The following ARCN1 variants were observed in gnomAD, a reference collection of about 807,000 sequenced individuals.
ARCN1 encodes archain 1 coat protein complex I subunit delta, also known as coatomer subunit delta.
Under a neutral mutation model 60.4 loss-of-function variants are expected in ARCN1, and 5 were observed. The ratio of observed to expected loss-of-function variants is 0.08; its 90% CI spans 0.04 to 0.17. The LOEUF is 0.17. Among genes scored for constraint, ARCN1 ranks in the 10% least tolerant of loss-of-function variants. The pLI, the probability that ARCN1 is intolerant of heterozygous loss-of-function variation, is 1.00. For missense variants in ARCN1, 464 were observed against 626.5 expected, an observed-to-expected ratio of 0.74 and a Z score of 2.77; for synonymous variants, 224 against 220.0, an observed-to-expected ratio of 1.02 and a Z score of -0.16.
At chr11:118,599,489 G>A (rs1001162182) in intron 9 of ARCN1, among the ~76,000 whole-genome samples, 10 of 151,820 alleles carry the variant, frequency 6.6e-5, no homozygotes, top group African/African-American at 2.2e-4. Flanking sequence ...AGTGCAGTGC[G>A]ATCTCAGCTC....
At chr11:118,592,021 A>G (rs1161787015) in intron 6 of ARCN1, among the ~76,000 whole-genome samples, 9 of 151,674 alleles carry the variant, frequency 5.9e-5, no homozygotes, top group African/African-American at 2.2e-4. Context: ...CCCGGGTTCA[A>G]GCCATTCTCC....
chr11:118,572,878 G>A lies in ARCN1; in HGVS notation c.3+328G>A, dbSNP rs1591377282. The A allele has an allele frequency of 3.5e-5, 13 of 369,400 alleles. No individual in the cohort carries two copies. The East Asian group carries it at 4.9e-4, about 14-fold the overall frequency. 22.9% of individuals were successfully genotyped at this position (369,400 alleles called of 1,614,324 possible). A position where few individuals can be genotyped will look rare whatever the true frequency, so the allele number is the denominator to read the frequency against. On this transcript the variant is annotated intron_variant, in intron 1 of 9. Transcript: ENST00000264028. Reference sequence around the variant, plus strand: ...GGTGGTGGTGCGGGTCCCAGGCTGCGGACCTCGGAACTGATGCTGTCCCGC... The same window carrying A: ...GGTGGTGGTGCGGGTCCCAGGCTGCAGACCTCGGAACTGATGCTGTCCCGC...
intron 1 of ARCN1, 43 bp from the exon 2 acceptor site, chr11:118,581,203 T>C: frequency 6.2e-7 from 1 of 1,602,944 alleles, no homozygotes; most frequent in Non-Finnish European, 8.5e-7. Context: ...AAAACAGATG[T>C]GAAGAAATAA....
intron 1 of ARCN1, chr11:118,573,844 C>T (rs983678278): frequency 4.0e-6 from 2 of 500,982 alleles, no homozygotes; most frequent in South Asian, 6.0e-5. Context: ...CACAAAATTT[C>T]CAGAAACTTG....
At chr11:118,583,032 C>A in intron 2 of ARCN1, 147 bp from the exon 3 acceptor site, 4 of 928,846 alleles carry the variant, frequency 4.3e-6, no homozygotes, top group South Asian at 3.3e-5. Flanking sequence ...CAGAGCGAGA[C>A]TCTGTCCCAA....
At chr11:118,573,725 A>G (rs1555072908) in intron 1 of ARCN1, 1 of 693,534 alleles carries the variant, frequency 1.4e-6, no homozygotes, top group Admixed American at 2.1e-5. Flanking sequence ...AAGAACTTGG[A>G]TAATGGGGGG....
At chr11:118,584,721 G>A (rs1938738363) in intron 5 of ARCN1, 77 bp downstream of exon 5, 2 of 1,272,468 alleles carry the variant, frequency 1.6e-6, no homozygotes, top group Non-Finnish European at 1.1e-6. Context: ...ATTTCAGTGT[G>A]CTATAAATTC....
chr11:118,582,536 C>T lies in ARCN1; in HGVS notation c.268-643C>T, dbSNP rs1555074808. On this transcript the variant is annotated intron_variant, in intron 2 of 9. Coordinates refer to ENST00000264028, the MANE Select transcript of ARCN1 (RefSeq NM_001655.5). ...GGTCAGAAGTTTGAGACCAGCCTGA[C>T]CAACGTGGTGAAACCTCGTCTCTAC... Among the ~76,000 whole-genome samples the T allele has an allele frequency of 2.0e-5, 3 of 150,416 alleles. No homozygotes were observed. The South Asian group carries it at 6.3e-4, about 31-fold the overall frequency.
At chr11:118,591,359 A>G (rs572549077) in intron 6 of ARCN1, among the ~76,000 whole-genome samples, 2 of 152,264 alleles carry the variant, frequency 1.3e-5, no homozygotes, top group East Asian at 3.9e-4. Context: ...TGGCTTGTAA[A>G]GTGCTATCCA....
chr11:118,578,598 A>G (rs74384601), intron 1 of ARCN1, among the ~76,000 whole-genome samples: 1,787 of 152,326 alleles, frequency 0.012, 20 homozygotes, highest in Non-Finnish European at 0.019. Context: ...CCATTTATTA[A>G]TAATATTTCT....
intron 6 of ARCN1, 60 bp from the exon 7 acceptor site, chr11:118,592,649 G>T (rs561880731): frequency 1.4e-6 from 2 of 1,427,698 alleles, no homozygotes; most frequent in Admixed American, 3.7e-5. Flanking sequence ...TATAAGCCTA[G>T]TGAGGGGTTG....
At chr11:118,591,910 T>G (rs1257727021) in intron 6 of ARCN1, among the ~76,000 whole-genome samples, 1 of 151,460 alleles carries the variant, frequency 6.6e-6, no homozygotes, top group Non-Finnish European at 1.5e-5. Flanking sequence ...ATTTATTTAT[T>G]TATTTATTTA....
In ARCN1 at chr11:118,592,854, C is replaced by T; in HGVS notation, c.1130C>T (p.Thr377Ile). The change falls in exon 7 of 10, where the codon ACA becomes ATA. Residue 377 changes from threonine (T) to isoleucine (I), a missense_variant and splice_region_variant. Coordinates refer to ENST00000264028, the MANE Select transcript of ARCN1 (RefSeq NM_001655.5). ...QTTEESFIPL[T>I]INCWPSESGN... ...ACAGAGGAATCTTTTATTCCACTGA[C>T]AAGTAAGTGCCTCTGGCCAGTCCCA... 6.2e-7 allele frequency: 1 copy of T among 1,613,412 alleles called. No homozygotes were observed. Among genetic ancestry groups the T allele is most frequent in the South Asian group, 1.1e-5 (1 of 90,992 alleles).
At chr11:118,577,853 A>G (rs1038472358) in intron 1 of ARCN1, among the ~76,000 whole-genome samples, 6 of 152,182 alleles carry the variant, frequency 3.9e-5, no homozygotes, top group African/African-American at 1.4e-4. Context: ...GTTTTTGAAC[A>G]TGCTCATCAG....
chr11:118,583,766 A>C lies in ARCN1; in HGVS notation c.448-43A>C, dbSNP rs201154675. ...AGAGTGAGACCCTGTCTCAACAAAA[A>C]CCCAAAAAAAAAAGCTACATTAATG... On this transcript the variant is annotated intron_variant, in intron 3 of 9. Coordinates refer to ENST00000264028, the MANE Select transcript of ARCN1 (RefSeq NM_001655.5). 97 of 1,594,420 alleles carry C rather than the reference A, an allele frequency of 6.1e-5. No homozygotes were observed. In the East Asian group the frequency reaches 2.1e-3, roughly 34 times the overall value.
At chr11:118,572,902 G>A (rs1555072704) in intron 1 of ARCN1, 3 of 307,526 alleles carry the variant, frequency 9.8e-6, no homozygotes, top group South Asian at 2.0e-4. Flanking sequence ...ATGCTGTCCC[G>A]CCGGTTCCCT....
Position 118,583,974 on chromosome 11 carries a change from A to G in ARCN1, c.613A>G (p.Ile205Val), listed in dbSNP as rs782489814. Residue 205 changes from isoleucine (I) to valine (V), a missense_variant, in exon 4 of 10, where the codon ATT (isoleucine) becomes GTT (valine). Ile to Val is a conservative substitution (Grantham distance 29, BLOSUM62 3). Around this residue, in one of 2 missense-constraint regions of ARCN1, gnomAD observed 359 missense variants for 440.2 expected, o/e 0.82. Coordinates refer to ENST00000264028, the MANE Select transcript of ARCN1 (RefSeq NM_001655.5). The part of the protein sequence containing the change: ...STAAMITETI[I>V]ETDKPKVAPA... Reference sequence around the variant, plus strand: ...AGCTGCCATGATCACAGAGACCATCATTGAAACTGATAAACCAAAAGTGGC... The same window carrying G: ...AGCTGCCATGATCACAGAGACCATCGTTGAAACTGATAAACCAAAAGTGGC... 1.5e-5 allele frequency: 25 copies of G among 1,614,112 alleles called. No homozygotes were observed. Among genetic ancestry groups the G allele is most frequent in the Non-Finnish European group, 2.0e-5 (24 of 1,180,048 alleles).
In ARCN1 at chr11:118,581,346, C is replaced by G; in HGVS notation, c.104C>G (p.Ala35Gly). 1.2e-6 allele frequency: 2 copies of G among 1,614,192 alleles called. No individual in the cohort carries two copies. Among genetic ancestry groups the G allele is most frequent in the Non-Finnish European group, 1.7e-6 (2 of 1,180,034 alleles). ...ACTCGGATTGAGGGCTTATTAGCAG[C>G]TTTTCCAAAGCTCATGAACACTGGA... Reference protein sequence around the residue: ...TRTRIEGLLAAFPKLMNTGKQ... With the variant: ...TRTRIEGLLAGFPKLMNTGKQ... Residue 35 changes from alanine (A) to glycine (G), a missense_variant, in exon 2 of 10, where the codon GCT (alanine) becomes GGT (glycine). Coordinates refer to ENST00000264028, the MANE Select transcript of ARCN1 (RefSeq NM_001655.5).
chr11:118,582,726 A>T (rs1412670994), intron 2 of ARCN1, among the ~76,000 whole-genome samples: 5 of 111,938 alleles, frequency 4.5e-5, no homozygotes, highest in African/African-American at 3.6e-5. Context: ...ACTTTGTCTT[A>T]AAAAAAAAAA....
Sources: allele counts gnomAD v4.1 joint callset (sites outside exome capture counted in the v4.1 genomes callset), GRCh38; gene constraint gnomAD v4.1.1; regional missense constraint gnomAD v4.1.1; transcripts MANE v1.5; gene names NCBI Gene and HGNC (gene_info 2026-07-23, HGNC 2026-07-21).